The following COPA variants were observed in gnomAD, a reference collection of about 807,000 sequenced individuals.
The protein encoded by COPA is coat protein complex I subunit alpha.
Under a neutral mutation model 158.7 loss-of-function variants are expected in COPA, and 10 were observed. The observed-to-expected ratio is 0.06, with a 90% CI of 0.04 to 0.11. COPA has a LOEUF of 0.11. COPA is among the 10% of genes least tolerant of loss of function. The pLI, the probability that COPA is intolerant of heterozygous loss-of-function variation, is 1.00. For synonymous variants in COPA, 462 were observed against 542.8 expected (o/e 0.85, Z 2.07); for missense variants, 1,065 against 1,536.7 (o/e 0.69, Z 5.13).
intron 19 of COPA, among the ~76,000 whole-genome samples, chr1:160,298,297 T>C (rs1658483130): frequency 6.6e-6 from 1 of 152,224 alleles, no homozygotes; most frequent in African/African-American, 2.4e-5. Context: ...AATTTACTTT[T>C]ACAACAAAAC....
At chr1:160,302,461 G>T (rs1658642252) in intron 17 of COPA, among the ~76,000 whole-genome samples, 1 of 150,996 alleles carries the variant, frequency 6.6e-6, no homozygotes, top group South Asian at 2.1e-4. Context: ...GGACTGTAAA[G>T]ATGACAGTTA....
At chr1:160,341,491 C>A (rs1403899220) in intron 1 of COPA, among the ~76,000 whole-genome samples, 2 of 152,184 alleles carry the variant, frequency 1.3e-5, no homozygotes, top group Admixed American at 1.3e-4. Context: ...AGCCTATTTG[C>A]ATTATTACTG....
intron 6 of COPA, among the ~76,000 whole-genome samples, chr1:160,328,036 C>T (rs952299375): frequency 6.6e-6 from 1 of 152,192 alleles, no homozygotes; most frequent in South Asian, 2.1e-4. Flanking sequence ...TAGAAGGCCA[C>T]AACAATTTTA....
rs181219915 is a variant in COPA at position 160,342,170 on chromosome 1, T to C, written c.40+961A>G. ...TCTCTATAAAAGACGATTTTACAGA[T>C]GAGGAAATACAGACTTAGAGACATT... On this transcript the variant is annotated intron_variant, in intron 1 of 32. Transcript: ENST00000241704. Among the ~76,000 whole-genome samples, 250 of 152,318 alleles carry C rather than the reference T, an allele frequency of 1.6e-3. 2 individuals carry two copies. Among genetic ancestry groups the C allele is most frequent in the Non-Finnish European group, 1.7e-3 (117 of 68,030 alleles).
chr1:160,313,901 A>G (rs1208091962), intron 9 of COPA, 89 bp downstream of exon 9: 1 of 1,220,300 alleles, frequency 8.2e-7, no homozygotes, highest in East Asian at 2.6e-5. Flanking sequence ...CTACATGCTG[A>G]AGATGATGAG....
intron 17 of COPA, among the ~76,000 whole-genome samples, chr1:160,302,066 T>A (rs2101832615): frequency 6.6e-6 from 1 of 152,146 alleles, no homozygotes; most frequent in East Asian, 1.9e-4. Flanking sequence ...AAAAATATAG[T>A]AATATATAAG....
intron 6 of COPA, among the ~76,000 whole-genome samples, chr1:160,331,159 G>T (rs564651925): frequency 6.6e-6 from 1 of 152,074 alleles, no homozygotes; most frequent in East Asian, 1.9e-4. Context: ...AACATGAAGC[G>T]CTTCCATAGG....
At chr1:160,335,379 C>A (rs895701252) in intron 3 of COPA, 57 bp from the exon 4 acceptor site, 10 of 1,395,192 alleles carry the variant, frequency 7.2e-6, no homozygotes, top group Non-Finnish European at 9.9e-6. Flanking sequence ...CTAAAAGGCT[C>A]AGAGAAATTG....
At chr1:160,306,901 C>A (rs1044650394) in intron 14 of COPA, among the ~76,000 whole-genome samples, 1 of 152,136 alleles carries the variant, frequency 6.6e-6, no homozygotes, top group Non-Finnish European at 1.5e-5. Context: ...AGATTTGATG[C>A]GTTTTGGGCT....
At chr1:160,310,612 T>A in intron 11 of COPA, 1 of 158,644 alleles carries the variant, frequency 6.3e-6, no homozygotes, top group Non-Finnish European at 1.4e-5. Context: ...ATGTGATTTG[T>A]CTCTGGCTGG....
In COPA at chr1:160,291,843, T is replaced by C. The variant is rs1226502681; in HGVS notation, c.3234A>G (p.Leu1078=). The change falls in exon 30 of 33, where the codon CTA becomes CTG. Residue 1078 remains leucine, a synonymous_variant. Coordinates refer to ENST00000241704, the MANE Select transcript of COPA (RefSeq NM_004371.4). ...CCTCACAGATGCGCTTCTGCTGTTCTAGAGTCTCTTTGGGCAGCTTCTTCC... is the reference window on the plus strand; with the variant it reads ...CCTCACAGATGCGCTTCTGCTGTTCCAGAGTCTCTTTGGGCAGCTTCTTCC... ...TERKKLPKET[L]EQQKRICEMA... The C allele has an allele frequency of 3.1e-6, 5 of 1,614,058 alleles. No individual in the cohort carries two copies. Among genetic ancestry groups the C allele is most frequent in the Non-Finnish European group, 4.2e-6 (5 of 1,180,044 alleles).
chr1:160,320,917 A>G (rs1220842198), intron 8 of COPA, among the ~76,000 whole-genome samples: 2 of 152,068 alleles, frequency 1.3e-5, no homozygotes, highest in East Asian at 1.9e-4. Flanking sequence ...CTACAGGCCG[A>G]TATCACTGAT....
At chr1:160,305,653 GTC>G in intron 16 of COPA, 33 bp downstream of exon 16, 1 of 1,613,948 alleles carries the variant, frequency 6.2e-7, no homozygotes, top group Non-Finnish European at 8.5e-7. Flanking sequence ...GAAGGGAATG[GTC>G]TCTAAATCAG....
intron 8 of COPA, among the ~76,000 whole-genome samples, chr1:160,322,322 C>T (rs1354136914): frequency 6.6e-6 from 1 of 152,126 alleles, no homozygotes; most frequent in African/African-American, 2.4e-5. Context: ...CTATAGCTAA[C>T]TCATGTTTAA....
intron 9 of COPA, among the ~76,000 whole-genome samples, chr1:160,313,776 T>G (rs575202361): frequency 6.6e-6 from 1 of 152,188 alleles, no homozygotes; most frequent in Non-Finnish European, 1.5e-5. Context: ...GAAAACATGT[T>G]TAAATTTAGA....
intron 31 of COPA, 107 bp downstream of exon 31, chr1:160,291,228 G>T: frequency 7.9e-7 from 1 of 1,269,856 alleles, no homozygotes; most frequent in South Asian, 1.4e-5. Flanking sequence ...GCTTTTTGTT[G>T]AATGTTGTTA....
chr1:160,305,501 C>A lies in COPA; in HGVS notation c.1599G>T (p.Gly533=), dbSNP rs1658753580. The change falls in exon 17 of 33, where the codon GGG becomes GGT. Residue 533 remains glycine, a synonymous_variant. Coordinates refer to ENST00000241704, the MANE Select transcript of COPA (RefSeq NM_004371.4). Reference sequence around the variant, plus strand: ...TAAATACCCCACTCTCATCCCAGGCCCCACTCTTGACACGAATGTTCTCAT... The same window carrying A: ...TAAATACCCCACTCTCATCCCAGGCACCACTCTTGACACGAATGTTCTCAT... ...NIHENIRVKS[G]AWDESGVFIY... is the part of the protein sequence containing the mutation. 6.2e-7 allele frequency: 1 copy of A among 1,614,026 alleles called. No individual in the cohort carries two copies. Among genetic ancestry groups the A allele is most frequent in the African/African-American group, 1.3e-5 (1 of 74,886 alleles).
At chr1:160,324,226 A>G (rs1039665605) in intron 7 of COPA, among the ~76,000 whole-genome samples, 1 of 151,864 alleles carries the variant, frequency 6.6e-6, no homozygotes, top group Admixed American at 6.6e-5. Context: ...GATTATTTTA[A>G]GAAGTTTGCA....
At chr1:160,291,578 A>G (rs1658234185) in intron 30 of COPA, 82 bp from the exon 31 acceptor site, 4 of 1,493,230 alleles carry the variant, frequency 2.7e-6, no homozygotes, top group Non-Finnish European at 3.7e-6. Context: ...ACATGCATAA[A>G]AAACACAACA....
Sources: gnomAD v4.1 joint callset for allele counts (sites outside exome capture counted in the v4.1 genomes callset) on GRCh38, gnomAD v4.1.1 for gene constraint, MANE v1.5 for transcripts, NCBI Gene and HGNC (gene_info 2026-07-23, HGNC 2026-07-21) for gene names.